Variants in CEP290 observed in about 807,000 individuals in gnomAD.
The protein encoded by CEP290 is centrosomal protein of 290 kDa.
In CEP290, 317 loss-of-function variants were observed where a neutral mutation model predicts 344.9. The observed-to-expected ratio is 0.92, with a 90% CI of 0.84 to 1.01. The LOEUF (loss-of-function observed/expected upper bound fraction) is 1.01, where lower values mean the gene tolerates loss of function less well. Ranked by LOEUF, CEP290 falls within the 50% of genes least tolerant of loss-of-function variation. CEP290 has a pLI of 0.00. For synonymous variants in CEP290, 932 were observed against 895.8 expected, an observed-to-expected ratio of 1.04 and a Z score of -0.72; for missense variants, 2,754 against 2,761.4, an observed-to-expected ratio of 1.00 and a Z score of 0.06.
chr12:88,111,367 C>T lies in CEP290; in HGVS notation c.2218-16G>A. ...GATGGTCTATCTGGAAAAAAAAATC[C>T]AGCAATGAGAATCACAACTCTTACA... On this transcript the variant is annotated splice_polypyrimidine_tract_variant and intron_variant, in intron 21 of 53. Coordinates refer to ENST00000552810, the MANE Select transcript of CEP290 (RefSeq NM_025114.4). 2 of 1,556,312 alleles carry T rather than the reference C, an allele frequency of 1.3e-6. No individual in the cohort carries two copies. Among genetic ancestry groups the T allele is most frequent in the South Asian group, 1.2e-5 (1 of 81,276 alleles).
chr12:88,092,570 G>T, intron 29 of CEP290, 111 bp downstream of exon 29: 1 of 829,914 alleles, frequency 1.2e-6, no homozygotes, highest in South Asian at 2.2e-5. Context: ...CTTATAAAAA[G>T]AAATCAGTAT....
chr12:88,121,465 T>C (rs1341153099), intron 13 of CEP290, among the ~76,000 whole-genome samples: 2 of 152,050 alleles, frequency 1.3e-5, no homozygotes, highest in Non-Finnish European at 2.9e-5. Context: ...ATATTTAACC[T>C]CCCTTTTGTC....
At chr12:88,138,016 T>C (rs1450997845) in intron 5 of CEP290, among the ~76,000 whole-genome samples, 1 of 152,132 alleles carries the variant, frequency 6.6e-6, no homozygotes, top group African/African-American at 2.4e-5. Context: ...CACTAAGCAA[T>C]CTCCACATAA....
At chr12:88,115,357 G>A (rs575015930) in intron 18 of CEP290, 175 bp from the exon 19 acceptor site, 1 of 678,606 alleles carries the variant, frequency 1.5e-6, no homozygotes, top group Non-Finnish European at 2.4e-6. Flanking sequence ...CAGTAAAGCA[G>A]ATGGTGATCT....
intron 15 of CEP290, among the ~76,000 whole-genome samples, chr12:88,119,597 G>A (rs1036917999): frequency 1.3e-5 from 2 of 152,076 alleles, no homozygotes; most frequent in African/African-American, 4.8e-5. Flanking sequence ...TCAGGAGTTG[G>A]AGACCAGCCT....
At chr12:88,085,319 A>T (rs1337199636) in intron 34 of CEP290, among the ~76,000 whole-genome samples, 1 of 152,112 alleles carries the variant, frequency 6.6e-6, no homozygotes, top group Non-Finnish European at 1.5e-5. Context: ...TAAAACAAAG[A>T]GAAAAAAACA....
At chr12:88,095,096 G>A (rs2037333181) in intron 27 of CEP290, among the ~76,000 whole-genome samples, 1 of 152,052 alleles carries the variant, frequency 6.6e-6, no homozygotes, top group Non-Finnish European at 1.5e-5. Flanking sequence ...ATGGAATAAA[G>A]ACTCATTCAA....
intron 29 of CEP290, among the ~76,000 whole-genome samples, chr12:88,092,222 C>A (rs1014527403): frequency 4.6e-5 from 7 of 152,256 alleles, no homozygotes; most frequent in African/African-American, 1.7e-4. Flanking sequence ...TGCACCGTGA[C>A]TAGTACATAG....
chr12:88,134,201 TAATG>T (rs1475730923), intron 6 of CEP290, among the ~76,000 whole-genome samples: 2 of 152,186 alleles, frequency 1.3e-5, no homozygotes, highest in Admixed American at 6.5e-5. Flanking sequence ...TGTTCCTCCT[TAATG>T]AATGGCACTA....
intron 27 of CEP290, among the ~76,000 whole-genome samples, chr12:88,094,202 T>TA (rs574670258): frequency 6.0e-4 from 87 of 145,772 alleles, no homozygotes; most frequent in Middle Eastern, 6.8e-3. Flanking sequence ...ATCAAATGAT[T>TA]AAAAAAAAAA....
intron 38 of CEP290, among the ~76,000 whole-genome samples, chr12:88,079,529 A>G (rs891153312): frequency 6.6e-6 from 1 of 152,132 alleles, no homozygotes; most frequent in Non-Finnish European, 1.5e-5. Flanking sequence ...CAAACATCCA[A>G]TTTTAGATAT....
intron 12 of CEP290, 58 bp from the exon 13 acceptor site, chr12:88,125,427 A>G: frequency 1.1e-6 from 1 of 928,346 alleles, no homozygotes; most frequent in Non-Finnish European, 1.4e-6. Context: ...TAAAAAGGTA[A>G]GGAAAAAAGT....
intron 35 of CEP290, 80 bp downstream of exon 35, chr12:88,084,506 C>A: frequency 4.8e-6 from 6 of 1,237,984 alleles, no homozygotes; most frequent in Non-Finnish European, 5.7e-6. Context: ...AAAGAAATAC[C>A]ACTTTAGGGT....
rs763959276 is a variant in CEP290 at position 88,062,738 on chromosome 12, T to G, written c.6311A>C (p.Lys2104Thr). Residue 2104 changes from lysine (K) to threonine (T), a missense_variant, in exon 46 of 54, where the codon AAG becomes ACG. Transcript: ENST00000552810. ...RDLKEMCEFLKKEKAEVQRKL... is the reference protein window; with the variant it reads ...RDLKEMCEFLTKEKAEVQRKL... The stretch of plus-strand genomic sequence containing the variant: ...CCGCTGAACTTCTGCTTTTTCTTTC[T>G]TAAGAAATTCACACATTTCCTTCAA... 3 of 1,598,730 alleles carry G rather than the reference T, an allele frequency of 1.9e-6. No individual in the cohort carries two copies. In the Admixed American group the frequency reaches 5.2e-5, roughly 28 times the overall value.
chr12:88,101,551 G>T (rs2037884440), intron 26 of CEP290, among the ~76,000 whole-genome samples: 1 of 150,998 alleles, frequency 6.6e-6, no homozygotes, highest in Non-Finnish European at 1.5e-5. Flanking sequence ...CTACTCAGAG[G>T]CTGAGGCAGG....
intron 41 of CEP290, among the ~76,000 whole-genome samples, chr12:88,075,352 T>A (rs1481125431): frequency 6.6e-6 from 1 of 152,136 alleles, no homozygotes; most frequent in African/African-American, 2.4e-5. Flanking sequence ...TAGTTCTCTT[T>A]TCATGTTTTC....
At chr12:88,083,711 A>G (rs2036359930) in intron 36 of CEP290, 136 bp downstream of exon 36, 3 of 644,080 alleles carry the variant, frequency 4.7e-6, no homozygotes, top group Non-Finnish European at 5.4e-6. Context: ...AGGAAGAATG[A>G]TCAGAGCTAT....
chr12:88,054,144 T>C (rs1266474159), intron 51 of CEP290, among the ~76,000 whole-genome samples, 196 bp downstream of exon 51: 9 of 152,156 alleles, frequency 5.9e-5, no homozygotes, highest in Non-Finnish European at 1.2e-4. Context: ...TAGAGTTGGG[T>C]TTATCCTTTT....
intron 5 of CEP290, among the ~76,000 whole-genome samples, chr12:88,137,178 C>G (rs1189839585): frequency 6.6e-6 from 1 of 152,140 alleles, no homozygotes; most frequent in East Asian, 1.9e-4. Flanking sequence ...TCTCTCATAC[C>G]ATGCACTGTT....
Sources: allele counts gnomAD v4.1 joint callset (sites outside exome capture counted in the v4.1 genomes callset), GRCh38; gene constraint gnomAD v4.1.1; transcripts MANE v1.5; gene names NCBI Gene and HGNC (gene_info 2026-07-23, HGNC 2026-07-21).